Variants in TTLL5 observed in about 807,000 individuals in gnomAD.
TTLL5 encodes tubulin polyglutamylase TTLL5.
A neutral mutation model predicts 168.4 loss-of-function variants in TTLL5; 132 were observed. The observed-to-expected ratio is 0.78, with a 90% CI of 0.68 to 0.91. The LOEUF (loss-of-function observed/expected upper bound fraction) is 0.91. Ranked by LOEUF, TTLL5 falls within the 40% of genes least tolerant of loss-of-function variation. The pLI is 0.00. For synonymous variants in TTLL5, 546 were observed against 558.6 expected (o/e 0.98, Z 0.32); for missense variants, 1,545 against 1,581.5 (o/e 0.98, Z 0.39).
chr14:75,828,702 C>G (rs1022610050), intron 28 of TTLL5, among the ~76,000 whole-genome samples: 3 of 152,176 alleles, frequency 2.0e-5, no homozygotes, highest in African/African-American at 7.2e-5. Context: ...AAATGAAAGA[C>G]CCTGCCTATA....
In TTLL5 at chr14:75,743,860, C is replaced by A. The variant is rs541270809; in HGVS notation, c.1282-1235C>A. On this transcript the variant is annotated intron_variant, in intron 15 of 31. Transcript: ENST00000298832. ...CCTCCCAAAGTGCTGGGATTACAGG[C>A]ATGAGCCACCGTGCCCAGCCACCAT... is the stretch of plus-strand genomic sequence containing the variant. Among the ~76,000 whole-genome samples the A allele has an allele frequency of 2.2e-3, 337 of 152,190 alleles. 1 individual carries two copies. Among genetic ancestry groups the A allele is most frequent in the African/African-American group, 7.7e-3 (318 of 41,512 alleles).
intron 31 of TTLL5, among the ~76,000 whole-genome samples, chr14:75,952,445 C>T (rs1353867744): frequency 6.6e-6 from 1 of 152,248 alleles, no homozygotes; most frequent in Admixed American, 6.5e-5. Context: ...CTTTTGGAAA[C>T]AGTTTGACAG....
chr14:75,943,664 G>A (rs1481823349), intron 31 of TTLL5, among the ~76,000 whole-genome samples: 6 of 152,180 alleles, frequency 3.9e-5, no homozygotes, highest in Non-Finnish European at 8.8e-5. Context: ...AGTTTTGTGA[G>A]ATCAGAGTTT....
At chr14:75,675,049 C>T (rs1331961417) in intron 3 of TTLL5, among the ~76,000 whole-genome samples, 1 of 152,040 alleles carries the variant, frequency 6.6e-6, no homozygotes, top group Non-Finnish European at 1.5e-5. Flanking sequence ...AAAGTAAATT[C>T]ATATACTCAA....
intron 29 of TTLL5, among the ~76,000 whole-genome samples, chr14:75,879,600 A>G (rs1206886588): frequency 6.6e-6 from 1 of 152,194 alleles, no homozygotes; most frequent in Non-Finnish European, 1.5e-5. Context: ...TTTTTTAATT[A>G]AGCTCCTCAT....
chr14:75,723,939 G>A (rs568758412), intron 12 of TTLL5, among the ~76,000 whole-genome samples: 1 of 151,656 alleles, frequency 6.6e-6, no homozygotes, highest in South Asian at 2.1e-4. Context: ...GTATACGTGT[G>A]TATATTTGTA....
chr14:75,807,489 G>T (rs564409684), intron 27 of TTLL5, among the ~76,000 whole-genome samples: 1 of 152,284 alleles, frequency 6.6e-6, no homozygotes, highest in South Asian at 2.1e-4. Context: ...TCATAATTAA[G>T]CAGTTGACAT....
intron 28 of TTLL5, among the ~76,000 whole-genome samples, chr14:75,834,456 C>A (rs1895764609): frequency 2.0e-5 from 3 of 152,126 alleles, no homozygotes; most frequent in Admixed American, 6.5e-5. Context: ...CATCTTTATA[C>A]CTATGTTTTC....
intron 31 of TTLL5, among the ~76,000 whole-genome samples, chr14:75,943,795 G>T (rs1215481741): frequency 6.6e-6 from 1 of 152,152 alleles, no homozygotes; most frequent in Non-Finnish European, 1.5e-5. Context: ...TTTCTCATAT[G>T]TTTAGAGAAA....
chr14:75,897,891 C>A (rs1310280164), intron 30 of TTLL5, among the ~76,000 whole-genome samples: 1 of 152,208 alleles, frequency 6.6e-6, no homozygotes, highest in Non-Finnish European at 1.5e-5. Context: ...CATCAAGCAG[C>A]TTTCCATCTC....
chr14:75,915,025 A>C (rs1304602511), intron 31 of TTLL5, among the ~76,000 whole-genome samples: 1 of 152,184 alleles, frequency 6.6e-6, no homozygotes, highest in African/African-American at 2.4e-5. Context: ...TTTAGACCAC[A>C]TTCAAGAATC....
chr14:75,729,895 G>A (rs1187068953), intron 12 of TTLL5, among the ~76,000 whole-genome samples: 1 of 152,162 alleles, frequency 6.6e-6, no homozygotes, highest in Non-Finnish European at 1.5e-5. Flanking sequence ...CTTGGAATTT[G>A]CCTCTGGTTT....
intron 6 of TTLL5, among the ~76,000 whole-genome samples, chr14:75,691,078 AG>A (rs778119797): frequency 2.0e-5 from 3 of 152,090 alleles, no homozygotes; most frequent in Non-Finnish European, 4.4e-5. Flanking sequence ...TTTGGATGTT[AG>A]GGTTTGGAGC....
At chr14:75,681,659 G>A (rs1365371148) in intron 4 of TTLL5, 32 bp downstream of exon 4, 1 of 1,588,062 alleles carries the variant, frequency 6.3e-7, no homozygotes, top group South Asian at 1.1e-5. Context: ...CACCTGATCT[G>A]CTCATAAGCT....
intron 26 of TTLL5, among the ~76,000 whole-genome samples, chr14:75,784,117 AC>A (rs1892228982): frequency 1.3e-5 from 2 of 152,236 alleles, no homozygotes; most frequent in African/African-American, 4.8e-5. Context: ...TACATTCGAC[AC>A]CAGTATCTAA....
chr14:75,952,646 G>T (rs1449367055), intron 31 of TTLL5, among the ~76,000 whole-genome samples: 2 of 152,174 alleles, frequency 1.3e-5, no homozygotes, highest in Non-Finnish European at 2.9e-5. Context: ...ATGAAATGTG[G>T]TCTATACACA....
chr14:75,840,513 G>A (rs915889622), intron 28 of TTLL5, among the ~76,000 whole-genome samples: 9 of 151,868 alleles, frequency 5.9e-5, no homozygotes, highest in Non-Finnish European at 1.2e-4. Context: ...CTCAGACACA[G>A]TCATTTTTTC....
chr14:75,785,820 T>A (rs1463692249), intron 26 of TTLL5, among the ~76,000 whole-genome samples: 2 of 152,222 alleles, frequency 1.3e-5, no homozygotes, highest in African/African-American at 4.8e-5. Flanking sequence ...CCAACTTCAC[T>A]CTTCTTTTTC....
intron 31 of TTLL5, among the ~76,000 whole-genome samples, chr14:75,913,076 C>T (rs1460901369): frequency 6.6e-6 from 1 of 152,172 alleles, no homozygotes; most frequent in Non-Finnish European, 1.5e-5. Context: ...AGGCAAGGAT[C>T]CAGATACCTG....
Sources: allele counts gnomAD v4.1 joint callset (sites outside exome capture counted in the v4.1 genomes callset), GRCh38; gene constraint gnomAD v4.1.1; transcripts MANE v1.5; gene names NCBI Gene and HGNC (gene_info 2026-07-23, HGNC 2026-07-21).